The following KRT38 variants were observed in gnomAD, a reference collection of about 807,000 sequenced individuals.
KRT38 encodes keratin, type I cuticular Ha8.
Under a neutral mutation model 43.1 loss-of-function variants are expected in KRT38, and 45 were observed. The observed-to-expected ratio is 1.04, with a 90% CI of 0.82 to 1.34. The LOEUF is 1.34. Among genes scored for constraint, KRT38 ranks in the 40% most tolerant of loss-of-function variants. The pLI is 0.00. For synonymous variants in KRT38, 258 were observed against 244.0 expected (o/e 1.06, Z -0.53); for missense variants, 627 against 586.2 (o/e 1.07, Z -0.72).
Position 41,440,525 on chromosome 17 carries a change from C to G in KRT38, c.397G>C (p.Glu133Gln), listed in dbSNP as rs1418761722. 1 of 1,614,108 alleles carries G rather than the reference C, an allele frequency of 6.2e-7. No individual in the cohort carries two copies. Among genetic ancestry groups the G allele is most frequent in the Admixed American group, 1.7e-5 (1 of 60,008 alleles). The change falls in exon 1 of 7, where the codon GAG (glutamate) becomes CAG (glutamine). Residue 133 changes from glutamate (E) to glutamine (Q), a missense_variant. Transcript: ENST00000246646. Reference protein sequence around the residue: ...RQLEQENAELEATLLERSKCH... With the variant: ...RQLEQENAELQATLLERSKCH... ...TTGCTCCTCTCGAGGAGTGTGGCCT[C>G]CAGCTCCGCATTCTCCTGCTCCAGC... is the stretch of plus-strand genomic sequence containing the variant.
At position 41,439,225 on chromosome 17, in the gene KRT38, G is replaced by A. The variant is rs1567696067; in HGVS notation, c.710C>T (p.Ser237Phe). ...QQESLKEEQL[S>F]LKSNHEQEVK... ...CACCTGCTCGTGGTTGCTCTTGAGG[G>A]AGAGCTGCTCCTCCTTCAGGGACTC... Residue 237 changes from serine (S) to phenylalanine (F), a missense_variant, in exon 3 of 7, where the codon TCC becomes TTC. Coordinates refer to ENST00000246646, the MANE Select transcript of KRT38 (RefSeq NM_006771.4). The A allele has an allele frequency of 6.2e-7, 1 of 1,614,122 alleles. No individual in the cohort carries two copies.
intron 3 of KRT38, 49 bp downstream of exon 3, chr17:41,439,154 C>G (rs766411141): frequency 6.3e-7 from 1 of 1,583,852 alleles, no homozygotes; most frequent in African/African-American, 1.4e-5. Context: ...GGGGAGCTCC[C>G]CTGTCTGCCC....
chr17:41,438,917 G>A, intron 3 of KRT38, 59 bp from the exon 4 acceptor site: 1 of 1,583,678 alleles, frequency 6.3e-7, no homozygotes, highest in Non-Finnish European at 8.6e-7. Context: ...TGATGGAGCA[G>A]ACAGCACCAG....
chr17:41,439,921 T>C (rs1352377126), intron 2 of KRT38, among the ~76,000 whole-genome samples: 2 of 152,246 alleles, frequency 1.3e-5, no homozygotes, highest in Non-Finnish European at 2.9e-5. Context: ...TCCTGGTTAA[T>C]GAACTCAGGC....
intron 6 of KRT38, 151 bp downstream of exon 6, chr17:41,437,942 C>T: frequency 1.3e-6 from 1 of 745,254 alleles, no homozygotes; most frequent in Non-Finnish European, 2.2e-6. Flanking sequence ...ATTCTGTCAA[C>T]CACATGGAGT....
At chr17:41,439,436 C>T (rs1466366943) in intron 2 of KRT38, 77 bp from the exon 3 acceptor site, 6 of 1,514,860 alleles carry the variant, frequency 4.0e-6, no homozygotes, top group Admixed American at 3.6e-5. Flanking sequence ...TCCTACCTCC[C>T]ACACCACCTT....
Position 41,438,489 on chromosome 17 carries a change from A to G in KRT38, c.1020+2T>C. On this transcript the variant is annotated splice_donor_variant, in intron 5 of 6. Transcript: ENST00000246646. LOFTEE classifies it high-confidence loss of function. ...AGTGCAGTGAGAGTGAAGGACACGT[A>G]CCAAGGTGTGCTGGGCTTGGCGCTC... 1.2e-6 allele frequency: 2 copies of G among 1,614,198 alleles called. No homozygotes were observed. Among genetic ancestry groups the G allele is most frequent in the South Asian group, 2.2e-5 (2 of 91,078 alleles).
chr17:41,438,110 C>T lies in KRT38; in HGVS notation c.1224G>A (p.Leu408=). Reference sequence around the variant, plus strand: ...ACACGTACTTGCAGTCCTCGCTTTCCAGAAGGTTCCGGTACGTGGCAATCT... The same window carrying T: ...ACACGTACTTGCAGTCCTCGCTTTCTAGAAGGTTCCGGTACGTGGCAATCT... ...ENEIATYRNL[L]ESEDCKLPCN... is the part of the protein sequence containing the mutation. Residue 408 remains leucine (L), a synonymous_variant, in exon 6 of 7, where the codon CTG becomes CTA. Coordinates refer to ENST00000246646, the MANE Select transcript of KRT38 (RefSeq NM_006771.4). The T allele has an allele frequency of 6.2e-7, 1 of 1,614,138 alleles. No individual in the cohort carries two copies. The highest frequency in any genetic ancestry group is 8.5e-7 in the Non-Finnish European group (1 of 1,180,022).
chr17:41,437,694 G>C (rs1352887002), intron 6 of KRT38, among the ~76,000 whole-genome samples, 153 bp from the exon 7 acceptor site: 4 of 152,196 alleles, frequency 2.6e-5, no homozygotes, highest in African/African-American at 9.7e-5. Context: ...AGCACCTCCA[G>C]GGTTAGACTA....
rs752517595 is a variant in KRT38 at position 41,438,824 on chromosome 17, T to A, written c.767A>T (p.Lys256Met). 1.2e-6 allele frequency: 2 copies of A among 1,614,074 alleles called. No homozygotes were observed. Among genetic ancestry groups the A allele is most frequent in the Admixed American group, 3.3e-5 (2 of 60,024 alleles). ...CTCAATGTCCAGCTCAATCCGGAGC[T>A]TCTCCCCCAGCTGACTCCTCAGAAT... ...VKILRSQLGE[K>M]LRIELDIEPT... is the part of the protein sequence containing the mutation. The change falls in exon 4 of 7, where the codon AAG becomes ATG. Residue 256 changes from lysine to methionine, a missense_variant. By Grantham distance (95) the Lys-to-Met change is moderately conservative (BLOSUM62 -1). Transcript: ENST00000246646.
chr17:41,440,829 C>T lies in KRT38; in HGVS notation c.93G>A (p.Gly31=), dbSNP rs1178810585. The change falls in exon 1 of 7, where the codon GGG becomes GGA. Residue 31 remains glycine (G), a synonymous_variant. Coordinates refer to ENST00000246646, the MANE Select transcript of KRT38 (RefSeq NM_006771.4). ...RNVSVSPIDI[G]CQPGAEANIA... Reference sequence around the variant, plus strand: ...TGTTGGCCTCTGCCCCAGGCTGGCACCCAATGTCGATGGGAGAGACAGAGA... The same window carrying T: ...TGTTGGCCTCTGCCCCAGGCTGGCATCCAATGTCGATGGGAGAGACAGAGA... The T allele has an allele frequency of 1.2e-6, 2 of 1,606,424 alleles. No individual in the cohort carries two copies. Among genetic ancestry groups the T allele is most frequent in the Non-Finnish European group, 8.5e-7 (1 of 1,176,224 alleles).
At position 41,436,849 on chromosome 17, in the gene KRT38, G is replaced by C. The variant is rs1210007420; in HGVS notation, c.*563C>G. On this transcript the variant is annotated 3_prime_UTR_variant, in exon 7 of 7. Transcript: ENST00000246646. ...AAACCCTGAAGTAGAGAAAACTCAGGATTTGATACAAGGAAAGTTTCCACT... is the reference window on the plus strand; with the variant it reads ...AAACCCTGAAGTAGAGAAAACTCAGCATTTGATACAAGGAAAGTTTCCACT... 1 of 152,212 alleles carries C rather than the reference G, an allele frequency of 6.6e-6. No individual in the cohort carries two copies. The highest frequency in any genetic ancestry group is 1.5e-5 in the Non-Finnish European group (1 of 68,056). The allele number at this position is 152,212 out of a possible 1,614,324, so 9.4% of individuals were successfully genotyped here. A position where few individuals can be genotyped will look rare whatever the true frequency, so the allele number is the denominator to read the frequency against.
In KRT38 at chr17:41,440,949, TTCA is replaced by T; in HGVS notation, c.-31_-29del. 6.6e-7 allele frequency: 1 copy of T among 1,513,474 alleles called. No individual in the cohort carries two copies. Among genetic ancestry groups the T allele is most frequent in the Non-Finnish European group, 8.8e-7 (1 of 1,132,886 alleles). The allele number at this position is 1,513,474 out of a possible 1,614,324, so 93.8% of individuals were successfully genotyped here. A position where few individuals can be genotyped will look rare whatever the true frequency, so the allele number is the denominator to read the frequency against. ...TGTTGGGCTGAGGCTGCACAGGAGC[TTCA>T]GATCAGCTGGGAAAGCTGAACCACT... is the stretch of plus-strand genomic sequence containing the variant. On this transcript the variant is annotated 5_prime_UTR_variant, in exon 1 of 7. Transcript: ENST00000246646.
rs780644188 is a variant in KRT38 at position 41,438,248 on chromosome 17, C to T, written c.1086G>A (p.Met362Ile). 1.9e-6 allele frequency: 3 copies of T among 1,614,186 alleles called. No individual in the cohort carries two copies. The highest frequency in any genetic ancestry group is 1.1e-5 in the South Asian group (1 of 91,086). ...CCTCCACGTTGCTGATGAGGCTCTG[C>T]ATCTGGGCCAGCTCCGTGCCGAAGC... ...EDRFGTELAQMQSLISNVEEQ... is the reference protein window; with the variant it reads ...EDRFGTELAQIQSLISNVEEQ... The change falls in exon 6 of 7, where the codon ATG becomes ATA. Residue 362 changes from methionine to isoleucine, a missense_variant. Physicochemically the swap from Met to Ile is conservative, Grantham distance 10. Coordinates refer to ENST00000246646, the MANE Select transcript of KRT38 (RefSeq NM_006771.4).
rs746994808 is a variant in KRT38 at position 41,439,374 on chromosome 17, G to A, written c.576-15C>T. The A allele has an allele frequency of 8.1e-6, 13 of 1,611,604 alleles. No homozygotes were observed. The highest frequency in any genetic ancestry group is 5.5e-5 in the South Asian group (5 of 90,926). On this transcript the variant is annotated splice_polypyrimidine_tract_variant and intron_variant, in intron 2 of 6. Transcript: ENST00000246646. The stretch of plus-strand genomic sequence containing the variant: ...CACTCTCCAGCCTTTCATCACAGGA[G>A]GTACAGGGTCAAAAAGAATGCCCCC...
rs1179312501 is a variant in KRT38, at chr17:41,438,798, G to A, written c.793C>T (p.Pro265Ser). The A allele has an allele frequency of 1.2e-6, 2 of 1,613,980 alleles. No individual in the cohort carries two copies. Among genetic ancestry groups the A allele is most frequent in the African/African-American group, 2.7e-5 (2 of 74,888 alleles). The change falls in exon 4 of 7, where the codon CCC becomes TCC. Residue 265 changes from proline to serine, a missense_variant. Pro to Ser is a moderately conservative substitution (Grantham distance 74, BLOSUM62 -1). Transcript: ENST00000246646. ...EKLRIELDIE[P>S]TIDLNRVLGE... is the part of the protein sequence containing the mutation. Reference sequence around the variant, plus strand: ...AGCACCCTGTTCAGGTCAATGGTGGGCTCAATGTCCAGCTCAATCCGGAGC... The same window carrying A: ...AGCACCCTGTTCAGGTCAATGGTGGACTCAATGTCCAGCTCAATCCGGAGC...
At chr17:41,437,863 C>A (rs1421863883) in intron 6 of KRT38, among the ~76,000 whole-genome samples, 1 of 152,176 alleles carries the variant, frequency 6.6e-6, no homozygotes, top group Admixed American at 6.5e-5. Context: ...TCTCATCAGT[C>A]CATGGCTACC....
chr17:41,440,039 A>T, intron 2 of KRT38, 122 bp downstream of exon 2: 4 of 814,406 alleles, frequency 4.9e-6, no homozygotes, highest in Non-Finnish European at 7.9e-6. Flanking sequence ...TTGTAATGAA[A>T]ATTTTACTGT....
At chr17:41,439,153 C>T (rs761807166) in intron 3 of KRT38, 50 bp downstream of exon 3, 3 of 1,582,602 alleles carry the variant, frequency 1.9e-6, no homozygotes, top group South Asian at 1.1e-5. Context: ...TGGGGAGCTC[C>T]CCTGTCTGCC....
Sources: gnomAD v4.1 joint callset for allele counts (sites outside exome capture counted in the v4.1 genomes callset) on GRCh38, gnomAD v4.1.1 for gene constraint, MANE v1.5 for transcripts, NCBI Gene and HGNC (gene_info 2026-07-23, HGNC 2026-07-21) for gene names.